Variants in TENT4A observed in about 807,000 individuals in gnomAD.
TENT4A encodes terminal nucleotidyltransferase 4A, also known as DNA polymerase kappa.
A neutral mutation model predicts 72.8 loss-of-function variants in TENT4A; 7 were observed. That is an observed-to-expected ratio of 0.10 (90% confidence interval 0.05 to 0.18). The LOEUF (loss-of-function observed/expected upper bound fraction) is 0.18. TENT4A is among the 10% of genes least tolerant of loss of function. The pLI is 1.00. For synonymous variants in TENT4A, 456 were observed against 434.3 expected, an observed-to-expected ratio of 1.05 and a Z score of -0.62; for missense variants, 831 against 1,017.7, an observed-to-expected ratio of 0.82 and a Z score of 2.50.
chr5:6,743,671 T>C, intron 5 of TENT4A, 41 bp from the exon 6 acceptor site: 1 of 1,476,404 alleles, frequency 6.8e-7, no homozygotes, highest in Non-Finnish European at 9.4e-7. Context: ...TTTGAAAGTA[T>C]GGTAATTACT....
In TENT4A at chr5:6,746,406, A is replaced by G. The variant is rs1460502414; in HGVS notation, c.1438A>G (p.Ile480Val). 1 of 1,614,040 alleles carries G rather than the reference A, an allele frequency of 6.2e-7. No individual in the cohort carries two copies. Among genetic ancestry groups the G allele is most frequent in the Non-Finnish European group, 8.5e-7 (1 of 1,180,016 alleles). ...TSGYRPSMLC[I>V]EDPLLPGNDV... ...CGGGTACAGACCGTCGATGCTGTGC[A>G]TTGAGGACCCCCTGCTGCCAGGTAA... Residue 480 changes from isoleucine (I) to valine (V), a missense_variant, in exon 7 of 13, where the codon ATT becomes GTT. Around this residue, in one of 3 missense-constraint regions of TENT4A, gnomAD observed 197 missense variants for 399.6 expected, o/e 0.49. Transcript: ENST00000230859.
chr5:6,748,646 C>T, intron 8 of TENT4A, 56 bp downstream of exon 8: 2 of 1,548,650 alleles, frequency 1.3e-6, no homozygotes, highest in South Asian at 1.1e-5. Flanking sequence ...TGGTACTTAT[C>T]CCTTTCCTGT....
intron 1 of TENT4A, among the ~76,000 whole-genome samples, chr5:6,733,481 A>G (rs1254042173): frequency 6.6e-6 from 1 of 152,352 alleles, no homozygotes; most frequent in South Asian, 2.1e-4. Flanking sequence ...AATGCATAGA[A>G]ATTTCTTCGA....
intron 1 of TENT4A, among the ~76,000 whole-genome samples, chr5:6,720,729 C>A (rs1666446992): frequency 6.7e-6 from 1 of 148,188 alleles, no homozygotes; most frequent in Non-Finnish European, 1.5e-5. Flanking sequence ...TAAAAGTTTG[C>A]AGGAAAGCCG....
intron 1 of TENT4A, 82 bp from the exon 2 acceptor site, chr5:6,737,428 C>A: frequency 8.0e-7 from 1 of 1,250,134 alleles, no homozygotes; most frequent in Non-Finnish European, 1.1e-6. Flanking sequence ...TATGTTTGAG[C>A]GTCATCCTGA....
chr5:6,750,653 A>C, intron 10 of TENT4A, 150 bp downstream of exon 10: 1 of 672,388 alleles, frequency 1.5e-6, no homozygotes. Flanking sequence ...CAGCCCCGTG[A>C]TGTGGGCACC....
intron 1 of TENT4A, among the ~76,000 whole-genome samples, chr5:6,731,408 G>A (rs939318252): frequency 6.6e-6 from 1 of 152,172 alleles, no homozygotes; most frequent in Non-Finnish European, 1.5e-5. Context: ...GGTAAACTGA[G>A]GCACATAATT....
intron 7 of TENT4A, 61 bp downstream of exon 7, chr5:6,746,488 C>CA: frequency 1.3e-6 from 2 of 1,527,412 alleles, no homozygotes; most frequent in Non-Finnish European, 1.8e-6. Flanking sequence ...GTGCTGGTGA[C>CA]AGGGCCTGTG....
At chr5:6,753,138 T>A in intron 12 of TENT4A, 101 bp downstream of exon 12, 1 of 1,219,310 alleles carries the variant, frequency 8.2e-7, no homozygotes, top group East Asian at 2.4e-5. Flanking sequence ...GAGAGATCAT[T>A]TGAAAACGGA....
intron 2 of TENT4A, 99 bp from the exon 3 acceptor site, chr5:6,738,584 C>A: frequency 1.1e-6 from 1 of 869,986 alleles, no homozygotes; most frequent in Non-Finnish European, 1.9e-6. Flanking sequence ...TTATTTTTTA[C>A]CCAAGGGTAT....
intron 1 of TENT4A, among the ~76,000 whole-genome samples, chr5:6,720,897 TCTTTG>T (rs1254200161): frequency 1.1e-4 from 16 of 152,238 alleles, no homozygotes; most frequent in Middle Eastern, 6.8e-3. Flanking sequence ...TAGCAGTCTA[TCTTTG>T]CTTTGCAGAA....
chr5:6,724,462 T>C (rs2126605613), intron 1 of TENT4A, among the ~76,000 whole-genome samples: 1 of 152,318 alleles, frequency 6.6e-6, no homozygotes, highest in Non-Finnish European at 1.5e-5. Context: ...AGTTACCTCA[T>C]GGAAGAAAGC....
At chr5:6,732,810 G>A (rs954922423) in intron 1 of TENT4A, among the ~76,000 whole-genome samples, 6 of 152,058 alleles carry the variant, frequency 3.9e-5, no homozygotes, top group East Asian at 1.9e-4. Context: ...AGTTTGCTCC[G>A]TGGCAATGGA....
intron 7 of TENT4A, among the ~76,000 whole-genome samples, chr5:6,747,527 A>C (rs1044271305): frequency 6.6e-6 from 1 of 151,942 alleles, no homozygotes; most frequent in East Asian, 1.9e-4. Flanking sequence ...ACATTGGCTG[A>C]TGTGTTTTGT....
At chr5:6,750,284 C>T (rs376596947) in intron 9 of TENT4A, 47 bp from the exon 10 acceptor site, 69 of 1,517,042 alleles carry the variant, frequency 4.5e-5, no homozygotes, top group South Asian at 2.2e-4. Flanking sequence ...GGCGGCTCCA[C>T]GCCGCAGTTC....
intron 6 of TENT4A, among the ~76,000 whole-genome samples, chr5:6,744,793 T>C (rs1741997913): frequency 6.6e-6 from 1 of 152,260 alleles, no homozygotes; most frequent in African/African-American, 2.4e-5. Flanking sequence ...CTTTCTTCCA[T>C]AGTTTTTGGA....
At chr5:6,745,909 A>T in intron 6 of TENT4A, 1 of 637,588 alleles carries the variant, frequency 1.6e-6, no homozygotes, top group South Asian at 2.1e-5. Context: ...TATGCAGAAT[A>T]TAGTCCAACT....
intron 1 of TENT4A, among the ~76,000 whole-genome samples, chr5:6,729,589 C>T (rs1741103686): frequency 6.6e-6 from 1 of 152,264 alleles, no homozygotes; most frequent in African/African-American, 2.4e-5. Flanking sequence ...CTGCGGTAGT[C>T]AGCAGTTGTG....
intron 1 of TENT4A, 22 bp from the exon 2 acceptor site, chr5:6,737,488 T>C: frequency 6.3e-7 from 1 of 1,592,602 alleles, no homozygotes; most frequent in Admixed American, 1.7e-5. Flanking sequence ...AACTCTAGTA[T>C]GTTTTCTTTT....
Sources: gnomAD v4.1 joint callset for allele counts (sites outside exome capture counted in the v4.1 genomes callset) on GRCh38, gnomAD v4.1.1 for gene constraint, gnomAD v4.1.1 regional missense constraint, MANE v1.5 for transcripts, NCBI Gene and HGNC (gene_info 2026-07-23, HGNC 2026-07-21) for gene names.